Variants in LNPK observed in about 807,000 individuals in gnomAD.
The protein encoded by LNPK is lunapark, ER junction formation factor.
In LNPK, 29 loss-of-function variants were observed where a neutral mutation model predicts 55.2. That is an observed-to-expected ratio of 0.53 (90% confidence interval 0.39 to 0.72). The LOEUF is 0.72. Among genes scored for constraint, LNPK ranks in the 30% least tolerant of loss-of-function variants. The pLI, the probability that LNPK is intolerant of heterozygous loss-of-function variation, is 0.00. For missense variants in LNPK, 467 were observed against 494.8 expected (o/e 0.94, Z 0.53); for synonymous variants, 162 against 168.2 (o/e 0.96, Z 0.29).
rs142405560 is a variant in LNPK, at chr2:175,983,966, AAAGT to A, written c.258-4102_258-4099del. 1.2e-3 allele frequency among the ~76,000 whole-genome samples: 175 copies of A among 152,120 alleles called. 4 individuals are homozygous for A. The East Asian group carries it at 0.016, about 14-fold the overall frequency. ...AAAAAAATTTAAGGTATAGAAAAAAAAAGTAAGAGAAAATCTTCACAACCTGTAG... is the reference window on the plus strand; with the variant it reads ...AAAAAAATTTAAGGTATAGAAAAAAAAAGAGAAAATCTTCACAACCTGTAG... On this transcript the variant is annotated intron_variant, in intron 4 of 12. Coordinates refer to ENST00000272748, the MANE Select transcript of LNPK (RefSeq NM_030650.3).
intron 1 of LNPK, among the ~76,000 whole-genome samples, chr2:175,996,685 T>C (rs1007506636): frequency 6.6e-6 from 1 of 152,208 alleles, no homozygotes; most frequent in African/African-American, 2.4e-5. Context: ...TTCTGTTCAA[T>C]GCCCAAATAA....
chr2:175,932,834 T>C (rs567433316), intron 12 of LNPK, among the ~76,000 whole-genome samples: 166 of 152,308 alleles, frequency 1.1e-3, no homozygotes, highest in African/African-American at 3.8e-3. Flanking sequence ...CATGAAGTTG[T>C]AGTTTAAAAC....
chr2:175,965,776 T>C (rs189666643), intron 6 of LNPK, among the ~76,000 whole-genome samples: 1 of 144,968 alleles, frequency 6.9e-6, no homozygotes, highest in African/African-American at 2.6e-5. Context: ...GTAAAGGAGA[T>C]GTTTATAGTA....
At chr2:175,931,615 A>G (rs1684283214) in intron 12 of LNPK, among the ~76,000 whole-genome samples, 1 of 152,222 alleles carries the variant, frequency 6.6e-6, no homozygotes, top group Non-Finnish European at 1.5e-5. Flanking sequence ...CACAAAAAAT[A>G]GTAAGGAATG....
At chr2:175,936,190 T>C (rs1473663774) in intron 12 of LNPK, among the ~76,000 whole-genome samples, 1 of 152,198 alleles carries the variant, frequency 6.6e-6, no homozygotes, top group Admixed American at 6.5e-5. Context: ...GATTCAGTGT[T>C]GGAAGAATAC....
intron 12 of LNPK, among the ~76,000 whole-genome samples, chr2:175,933,565 C>T (rs892636172): frequency 2.0e-5 from 3 of 152,004 alleles, no homozygotes; most frequent in Non-Finnish European, 4.4e-5. Context: ...ATGGCTAACT[C>T]ATATTTAAGA....
intron 4 of LNPK, among the ~76,000 whole-genome samples, chr2:175,984,674 C>T (rs1003506870): frequency 2.6e-5 from 4 of 152,038 alleles, no homozygotes; most frequent in Non-Finnish European, 5.9e-5. Flanking sequence ...TTGCTACATA[C>T]CTATCAGAAC....
intron 1 of LNPK, among the ~76,000 whole-genome samples, chr2:176,000,095 C>G (rs996681308): frequency 6.6e-5 from 10 of 152,148 alleles, no homozygotes; most frequent in African/African-American, 1.2e-4. Flanking sequence ...ACAATAATGA[C>G]CACCTTATTT....
chr2:175,971,269 A>G (rs1686650766), intron 5 of LNPK, among the ~76,000 whole-genome samples: 1 of 152,150 alleles, frequency 6.6e-6, no homozygotes, highest in South Asian at 2.1e-4. Flanking sequence ...TAAAAAACCT[A>G]GAAAATCTAC....
chr2:175,961,907 T>C (rs998674286), intron 8 of LNPK, among the ~76,000 whole-genome samples: 1 of 152,054 alleles, frequency 6.6e-6, no homozygotes, highest in African/African-American at 2.4e-5. Flanking sequence ...TATACACCAT[T>C]AACAGACAAA....
intron 1 of LNPK, among the ~76,000 whole-genome samples, chr2:176,001,159 A>C (rs888885009): frequency 6.6e-6 from 1 of 152,230 alleles, no homozygotes; most frequent in African/African-American, 2.4e-5. Flanking sequence ...AAAATGTGTT[A>C]AAAGTCAACT....
At chr2:175,992,193 GA>G in intron 4 of LNPK, 37 bp downstream of exon 4, 1 of 1,379,580 alleles carries the variant, frequency 7.2e-7, no homozygotes, top group Non-Finnish European at 9.8e-7. Flanking sequence ...TCTCTAGTCA[GA>G]AAAGGAAAAG....
intron 6 of LNPK, among the ~76,000 whole-genome samples, chr2:175,967,388 G>A (rs905031487): frequency 4.0e-5 from 6 of 151,820 alleles, no homozygotes; most frequent in South Asian, 2.1e-4. Flanking sequence ...CATTAAAAGG[G>A]CACACTAGCA....
intron 1 of LNPK, among the ~76,000 whole-genome samples, chr2:176,000,946 C>T (rs1244054085): frequency 2.6e-5 from 4 of 152,044 alleles, no homozygotes; most frequent in Non-Finnish European, 4.4e-5. Flanking sequence ...CTAAATACCA[C>T]CAAAAAATTA....
chr2:175,930,026 G>C lies in LNPK; in HGVS notation c.1228C>G (p.Pro410Ala). ...GGATCAGGAATAGAATCAGCTCCAG[G>C]AACTGTGGAGTTGGTTTCAATCACT... ...ASVIETNSTV[P>A]GADSIPDPEL... The change falls in exon 13 of 13, where the codon CCT becomes GCT. Residue 410 changes from proline (P) to alanine (A), a missense_variant. Coordinates refer to ENST00000272748, the MANE Select transcript of LNPK (RefSeq NM_030650.3). The C allele has an allele frequency of 1.2e-6, 2 of 1,613,956 alleles. No individual in the cohort carries two copies. The highest frequency in any genetic ancestry group is 1.7e-6 in the Non-Finnish European group (2 of 1,179,916).
At chr2:175,931,238 A>G (rs1292940093) in intron 12 of LNPK, among the ~76,000 whole-genome samples, 1 of 152,222 alleles carries the variant, frequency 6.6e-6, no homozygotes, top group Non-Finnish European at 1.5e-5. Flanking sequence ...CTTACGATAT[A>G]CTACAAATGT....
intron 1 of LNPK, among the ~76,000 whole-genome samples, chr2:175,999,952 G>C (rs1688100693): frequency 6.6e-6 from 1 of 152,154 alleles, no homozygotes; most frequent in African/African-American, 2.4e-5. Flanking sequence ...TTTTAGTAGA[G>C]ACGGGGTTTC....
chr2:175,929,576 T>G lies in LNPK; in HGVS notation c.*391A>C. The G allele has an allele frequency of 1.0e-6, 1 of 997,916 alleles. No homozygotes were observed. The highest frequency in any genetic ancestry group is 1.2e-6 in the Non-Finnish European group (1 of 837,806). The allele number at this position is 997,916 out of a possible 1,614,324, so 61.8% of individuals were successfully genotyped here. ...GAAGTAGTCAAAATCTTAACCAAGT[T>G]TCATTCCTTAAAACAAACACAATTA... On this transcript the variant is annotated 3_prime_UTR_variant, in exon 13 of 13. Coordinates refer to ENST00000272748, the MANE Select transcript of LNPK (RefSeq NM_030650.3).
rs757850404 is a variant in LNPK at position 175,970,804 on chromosome 2, T to C, written c.317A>G (p.Asn106Ser). The C allele has an allele frequency of 2.8e-6, 4 of 1,412,750 alleles. No individual in the cohort carries two copies. The highest frequency in any genetic ancestry group is 1.5e-5 in the South Asian group (1 of 68,714). The allele number at this position is 1,412,750 out of a possible 1,614,324, so 87.5% of individuals were successfully genotyped here. A position where few individuals can be genotyped will look rare whatever the true frequency, so the allele number is the denominator to read the frequency against. The change falls in exon 6 of 13, where the codon AAT becomes AGT. Residue 106 changes from asparagine to serine, a missense_variant and splice_region_variant. Transcript: ENST00000272748. ...FFFSKRTERN[N>S]EALDDLKSQR... ...GGATTTTAAATCATCCAATGCTTCA[T>C]CTAGAAAGCAAGATTTAAATCAAAG...
Sources: gnomAD v4.1 joint callset for allele counts (sites outside exome capture counted in the v4.1 genomes callset) on GRCh38, gnomAD v4.1.1 for gene constraint, MANE v1.5 for transcripts, NCBI Gene and HGNC (gene_info 2026-07-23, HGNC 2026-07-21) for gene names.